NFXL1: variants seen among roughly 807,000 people sequenced by gnomAD.
The protein encoded by NFXL1 is NF-X1-type zinc finger protein NFXL1.
NFXL1 carries 66 observed loss-of-function variants against 123.3 expected under a neutral mutation model. That is an observed-to-expected ratio of 0.54 (90% CI 0.44 to 0.66). NFXL1 has a LOEUF of 0.66. Among genes scored for constraint, NFXL1 ranks in the 30% least tolerant of loss-of-function variants. The probability of loss-of-function intolerance (pLI) is 0.00; values close to 1 mark genes in which losing one functional copy is unlikely to be tolerated. For synonymous variants in NFXL1, 346 were observed against 360.8 expected (o/e 0.96, Z 0.46); for missense variants, 944 against 1,125.6 (o/e 0.84, Z 2.31).
At chr4:47,874,151 A>G (rs1388354360) in intron 18 of NFXL1, among the ~76,000 whole-genome samples, 1 of 152,226 alleles carries the variant, frequency 6.6e-6, no homozygotes, top group Non-Finnish European at 1.5e-5. Context: ...CATATCAGCA[A>G]TAAGGCTGCT....
At chr4:47,855,000 G>T in intron 20 of NFXL1, 59 bp downstream of exon 20, 2 of 597,246 alleles carry the variant, frequency 3.3e-6, no homozygotes, top group Non-Finnish European at 5.3e-6. Flanking sequence ...ACAAGAACAA[G>T]AAAACCACAC....
At chr4:47,890,554 GAA>G (rs373323033) in intron 12 of NFXL1, 57 bp downstream of exon 12, 3 of 792,242 alleles carry the variant, frequency 3.8e-6, no homozygotes, top group African/African-American at 3.6e-5. Flanking sequence ...TATTGACAAT[GAA>G]AAAAAAAACC....
chr4:47,864,298 T>C (rs149809678), intron 18 of NFXL1, among the ~76,000 whole-genome samples: 1 of 152,236 alleles, frequency 6.6e-6, no homozygotes, highest in African/African-American at 2.4e-5. Flanking sequence ...TAATAATATA[T>C]ACATATTGGT....
At chr4:47,864,091 T>A (rs1734918121) in intron 18 of NFXL1, among the ~76,000 whole-genome samples, 1 of 152,122 alleles carries the variant, frequency 6.6e-6, no homozygotes, top group Non-Finnish European at 1.5e-5. Context: ...TACCACAAAG[T>A]TTTTATGCTG....
intron 20 of NFXL1, among the ~76,000 whole-genome samples, chr4:47,853,701 G>A (rs990133121): frequency 6.6e-6 from 1 of 152,114 alleles, no homozygotes; most frequent in Non-Finnish European, 1.5e-5. Flanking sequence ...TACAATATAT[G>A]TATTAGGGCA....
At chr4:47,902,576 T>G (rs1183352364) in intron 5 of NFXL1, among the ~76,000 whole-genome samples, 2 of 152,192 alleles carry the variant, frequency 1.3e-5, no homozygotes, top group Admixed American at 1.3e-4. Flanking sequence ...CTCATAGAAT[T>G]CTGGACAAGA....
At chr4:47,859,784 G>C (rs1734621346) in intron 19 of NFXL1, among the ~76,000 whole-genome samples, 1 of 134,284 alleles carries the variant, frequency 7.4e-6, no homozygotes, top group Non-Finnish European at 1.5e-5. Flanking sequence ...GGAGGTTGTA[G>C]TGAGCCAAGA....
At chr4:47,857,168 C>T (rs532731995) in intron 19 of NFXL1, among the ~76,000 whole-genome samples, 4 of 152,156 alleles carry the variant, frequency 2.6e-5, no homozygotes, top group Non-Finnish European at 4.4e-5. Context: ...GAATGTGTAA[C>T]GATCAAGTCA....
At chr4:47,896,435 A>T in intron 10 of NFXL1, 88 bp downstream of exon 10, 1 of 1,004,302 alleles carries the variant, frequency 1.0e-6, no homozygotes, top group Non-Finnish European at 1.5e-6. Context: ...ATATGAAAAT[A>T]AGTAATAGAA....
intron 21 of NFXL1, among the ~76,000 whole-genome samples, chr4:47,851,501 G>A (rs1734114324): frequency 6.6e-6 from 1 of 151,966 alleles, no homozygotes; most frequent in Non-Finnish European, 1.5e-5. Flanking sequence ...ATTAAATACT[G>A]CTGTTTCTCT....
chr4:47,868,879 T>A (rs952704964), intron 18 of NFXL1, among the ~76,000 whole-genome samples: 1 of 152,286 alleles, frequency 6.6e-6, no homozygotes, highest in Admixed American at 6.5e-5. Context: ...TATAACAGCT[T>A]AATCATCTTT....
In NFXL1 at chr4:47,885,585, A is replaced by G. The variant is rs1408344620; in HGVS notation, c.1737T>C (p.His579=). The change falls in exon 14 of 23, where the codon CAT becomes CAC. Residue 579 remains histidine, a synonymous_variant. Coordinates refer to ENST00000507489, the MANE Select transcript of NFXL1 (RefSeq NM_001278624.2). ...TCTCCAAAACTTTTTGGCAAGGTTG[A>G]TGACATGGTGGACAAGAACCAAAGT... ...RCHFGSCPPC[H]QPCQKVLEKC... is the part of the protein sequence containing the mutation. The G allele has an allele frequency of 6.2e-7, 1 of 1,613,932 alleles. No individual in the cohort carries two copies. Among genetic ancestry groups the G allele is most frequent in the Admixed American group, 1.7e-5 (1 of 60,024 alleles).
At chr4:47,885,207 T>C (rs1013693067) in intron 14 of NFXL1, among the ~76,000 whole-genome samples, 2 of 151,804 alleles carry the variant, frequency 1.3e-5, no homozygotes, top group African/African-American at 4.8e-5. Context: ...AAAATAAGAT[T>C]ATAGGAGATA....
chr4:47,865,488 G>GAA (rs56109844), intron 18 of NFXL1, among the ~76,000 whole-genome samples: 1,429 of 127,188 alleles, frequency 0.011, 23 homozygotes, highest in African/African-American at 0.038. Flanking sequence ...CTATAACTAG[G>GAA]AAAAAAAAAA....
intron 3 of NFXL1, among the ~76,000 whole-genome samples, chr4:47,909,175 A>C (rs776162032): frequency 1.2e-4 from 19 of 152,130 alleles, no homozygotes; most frequent in Non-Finnish European, 2.1e-4. Flanking sequence ...TACCCATTTT[A>C]CAAAAGAAAC....
intron 10 of NFXL1, among the ~76,000 whole-genome samples, 186 bp downstream of exon 10, chr4:47,896,337 A>C (rs1019318790): frequency 6.6e-6 from 1 of 152,248 alleles, no homozygotes; most frequent in African/African-American, 2.4e-5. Flanking sequence ...AATAAAGTGA[A>C]ATGCAATAAA....
intron 19 of NFXL1, among the ~76,000 whole-genome samples, chr4:47,855,902 C>T (rs1472739844): frequency 6.6e-6 from 1 of 152,064 alleles, no homozygotes; most frequent in African/African-American, 2.4e-5. Flanking sequence ...TCTGTCTATT[C>T]AAATCTTATC....
intron 4 of NFXL1, among the ~76,000 whole-genome samples, chr4:47,903,727 G>A (rs56003020): frequency 0.014 from 2,196 of 151,858 alleles, 16 homozygotes; most frequent in Non-Finnish European, 0.022. Context: ...ATTTCTTGTT[G>A]GATGATTATT....
At chr4:47,880,807 T>TAAA (rs57880960) in intron 15 of NFXL1, among the ~76,000 whole-genome samples, 16 of 78,816 alleles carry the variant, frequency 2.0e-4, no homozygotes, top group Non-Finnish European at 2.2e-4. Flanking sequence ...AATTAATGAG[T>TAAA]AAAAAAAAAA....
Sources: allele counts gnomAD v4.1 joint callset (sites outside exome capture counted in the v4.1 genomes callset), GRCh38; gene constraint gnomAD v4.1.1; transcripts MANE v1.5; gene names NCBI Gene and HGNC (gene_info 2026-07-23, HGNC 2026-07-21).